The following GPHN variants were observed in gnomAD, a reference collection of about 807,000 sequenced individuals.
GPHN encodes the protein gephyrin.
GPHN carries 17 observed loss-of-function variants against 95.5 expected under a neutral mutation model. The ratio of observed to expected loss-of-function variants is 0.18; its 90% CI spans 0.12 to 0.27. The LOEUF (loss-of-function observed/expected upper bound fraction) is 0.27, where lower values mean the gene tolerates loss of function less well. Among genes scored for constraint, GPHN ranks in the 10% least tolerant of loss-of-function variants. The pLI is 1.00. For synonymous variants in GPHN, 320 were observed against 322.5 expected (o/e 0.99, Z 0.08); for missense variants, 660 against 978.1 (o/e 0.67, Z 4.34).
chr14:67,322,949 G>T, the GPHN span, among the ~76,000 whole-genome samples: 3 of 152,068 alleles, frequency 2.0e-5, no homozygotes, highest in Non-Finnish European at 4.4e-5. Flanking sequence ...TTCTTGAATT[G>T]TCTTGCACAT....
At chr14:67,193,377 C>G in the GPHN span, among the ~76,000 whole-genome samples, 1 of 130,866 alleles carries the variant, frequency 7.6e-6, no homozygotes, top group Admixed American at 7.7e-5. Context: ...ATCTATATAT[C>G]TAGATATATC....
chr14:66,685,533 G>T (rs1023801298), intron 2 of GPHN, among the ~76,000 whole-genome samples: 14 of 152,234 alleles, frequency 9.2e-5, no homozygotes, highest in South Asian at 4.2e-4. Flanking sequence ...GTATCTATTT[G>T]CTGCATAAAT....
chr14:66,661,932 G>A (rs541015440), intron 1 of GPHN, among the ~76,000 whole-genome samples: 9 of 152,212 alleles, frequency 5.9e-5, no homozygotes, highest in Non-Finnish European at 8.8e-5. Flanking sequence ...AGCAGTCCCC[G>A]ATCTATTCCT....
chr14:67,680,324 T>C, the GPHN span, among the ~76,000 whole-genome samples: 10 of 152,226 alleles, frequency 6.6e-5, no homozygotes, highest in Admixed American at 4.6e-4. Context: ...TCTCTGGAAA[T>C]GACTCAGCCT....
intron 1 of GPHN, among the ~76,000 whole-genome samples, chr14:66,641,535 A>T (rs72726447): frequency 6.6e-6 from 1 of 152,092 alleles, no homozygotes; most frequent in Non-Finnish European, 1.5e-5. Context: ...GTGAGATAGT[A>T]TATATAAAGC....
chr14:67,575,549 A>G, the GPHN span: 8 of 924,796 alleles, frequency 8.7e-6, no homozygotes, highest in African/African-American at 1.3e-4. Context: ...TGTCCTGATG[A>G]AAGTCCCTAC....
chr14:67,398,246 T>C, the GPHN span, among the ~76,000 whole-genome samples: 2 of 152,170 alleles, frequency 1.3e-5, no homozygotes, highest in Non-Finnish European at 2.9e-5. Context: ...TCTTGTTTTA[T>C]AGACAAGGTC....
chr14:67,319,804 C>T, the GPHN span, among the ~76,000 whole-genome samples: 1 of 152,160 alleles, frequency 6.6e-6, no homozygotes, highest in Non-Finnish European at 1.5e-5. Context: ...ATGTAAATGT[C>T]GGTCTATGCT....
At chr14:66,838,272 C>G (rs1005495769) in intron 4 of GPHN, among the ~76,000 whole-genome samples, 1 of 151,926 alleles carries the variant, frequency 6.6e-6, no homozygotes, top group Non-Finnish European at 1.5e-5. Flanking sequence ...TATTTCCTTG[C>G]TATATAAATC....
chr14:67,653,398 C>T, the GPHN span: 21 of 1,591,256 alleles, frequency 1.3e-5, no homozygotes, highest in African/African-American at 2.8e-4. Context: ...TTGAAAGCCA[C>T]TGAGTTAAGA....
At chr14:66,615,341 G>A (rs148762726) in intron 1 of GPHN, among the ~76,000 whole-genome samples, 5,939 of 152,136 alleles carry the variant, frequency 0.039, 182 homozygotes, top group Non-Finnish European at 0.057. Context: ...GAGTAAAAGC[G>A]TTCCTATTTC....
At chr14:67,453,458 C>G in the GPHN span, among the ~76,000 whole-genome samples, 1 of 152,198 alleles carries the variant, frequency 6.6e-6, no homozygotes, top group East Asian at 1.9e-4. Flanking sequence ...GCTCAGGTAC[C>G]CGGGATGCTG....
At chr14:67,404,281 G>A in the GPHN span, among the ~76,000 whole-genome samples, 1 of 152,088 alleles carries the variant, frequency 6.6e-6, no homozygotes, top group Non-Finnish European at 1.5e-5. Flanking sequence ...AGAATAGGTG[G>A]CAATGTCTTT....
intron 18 of GPHN, among the ~76,000 whole-genome samples, chr14:67,149,849 A>C (rs2081144787): frequency 6.6e-6 from 1 of 152,212 alleles, no homozygotes; most frequent in Non-Finnish European, 1.5e-5. Flanking sequence ...ATGAATCAAC[A>C]CATTCATTAA....
At chr14:67,185,672 A>G (rs185774724), downstream of GPHN, among the ~76,000 whole-genome samples, 479 of 152,362 alleles carry the variant, frequency 3.1e-3, 1 homozygote, top group South Asian at 6.8e-3. Flanking sequence ...AAAAAATAAC[A>G]TAAGCAGGTG....
At chr14:67,583,999 C>T in the GPHN span, 6 of 1,613,912 alleles carry the variant, frequency 3.7e-6, no homozygotes, top group African/African-American at 8.0e-5. Flanking sequence ...CACCAGGCAC[C>T]TGGCAGATAT....
rs1254705251 is a variant in GPHN, at chr14:67,160,176, C to T, written c.1910+688C>T. Among the ~76,000 whole-genome samples, 8 of 152,220 alleles carry T rather than the reference C, an allele frequency of 5.3e-5. No individual in the cohort carries two copies. The East Asian group carries it at 1.2e-3, about 22-fold the overall frequency. ...AAATGAGAACATTTTCTGCCCCCAC[C>T]CTTTTTGTTGTTGTTGTGCCATTGA... On this transcript the variant is annotated intron_variant, in intron 19 of 22. Transcript: ENST00000478722.
At chr14:67,668,130 T>C in the GPHN span, among the ~76,000 whole-genome samples, 1 of 152,172 alleles carries the variant, frequency 6.6e-6, no homozygotes, top group African/African-American at 2.4e-5. Flanking sequence ...AATGGAAAAC[T>C]TTCAATATTT....
chr14:67,674,253 G>T, the GPHN span: 1 of 886,268 alleles, frequency 1.1e-6, no homozygotes, highest in Non-Finnish European at 1.6e-6. Flanking sequence ...CAGCCCTAGG[G>T]GGCGTGTCTG....
Sources: gnomAD v4.1 joint callset for allele counts (sites outside exome capture counted in the v4.1 genomes callset) on GRCh38, gnomAD v4.1.1 for gene constraint, MANE v1.5 for transcripts, NCBI Gene and HGNC (gene_info 2026-07-23, HGNC 2026-07-21) for gene names.